The following EIF4E1B variants were observed in gnomAD, a reference collection of about 807,000 sequenced individuals.
The protein encoded by EIF4E1B is eukaryotic translation initiation factor 4E type 1B.
A neutral mutation model predicts 31.3 loss-of-function variants in EIF4E1B; 22 were observed. The observed-to-expected ratio is 0.70, with a 90% CI of 0.50 to 1.00. The LOEUF (loss-of-function observed/expected upper bound fraction) is 1.00, where lower values mean the gene tolerates loss of function less well. EIF4E1B is among the 50% of genes least tolerant of loss of function. EIF4E1B has a pLI of 0.00. For synonymous variants in EIF4E1B, 126 were observed against 120.2 expected (o/e 1.05, Z -0.31); for missense variants, 290 against 311.6 (o/e 0.93, Z 0.52).
rs114578940 is a variant in EIF4E1B at position 176,645,802 on chromosome 5, T to A, written c.615-64T>A. 131 of 1,404,114 alleles carry A rather than the reference T, an allele frequency of 9.3e-5. No individual in the cohort carries two copies. The African/African-American group carries it at 1.5e-3, about 16-fold the overall frequency. The allele number at this position is 1,404,114 out of a possible 1,614,324, so 87.0% of individuals were successfully genotyped here. On this transcript the variant is annotated intron_variant, in intron 8 of 8. Coordinates refer to ENST00000318682, the MANE Select transcript of EIF4E1B (RefSeq NM_001099408.2). This position sits in a 1 kb window ranked among gnomAD's most constrained non-coding sequence, Gnocchi z 5.4. ...GAGGGTAGGAGTCTGGTGGCCTAAG[T>A]TATCTCTAGGACCCTCTGATGACTA...
chr5:176,642,828 C>CT, intron 3 of EIF4E1B, 26 bp downstream of exon 3: 1 of 1,541,234 alleles, frequency 6.5e-7, no homozygotes, highest in Non-Finnish European at 8.7e-7. Context: ...TCTCTACCCC[C>CT]AGTGCACCAT....
intron 1 of EIF4E1B, among the ~76,000 whole-genome samples, chr5:176,635,977 C>T (rs1169148045): frequency 3.9e-5 from 6 of 152,070 alleles, no homozygotes; most frequent in East Asian, 3.9e-4. Context: ...CCACCATGCC[C>T]GGATAATTTT....
In EIF4E1B at chr5:176,646,018, C is replaced by A. The variant is rs573376055; in HGVS notation, c.*38C>A. On this transcript the variant is annotated 3_prime_UTR_variant, in exon 9 of 9. Transcript: ENST00000318682. Reference sequence around the variant, plus strand: ...CACCCCTCCTATGTAATGGGACAGCCGCCACTGAGCCTCATTACTTTGGGG... The same window carrying A: ...CACCCCTCCTATGTAATGGGACAGCAGCCACTGAGCCTCATTACTTTGGGG... 3 of 1,525,598 alleles carry A rather than the reference C, an allele frequency of 2.0e-6. No individual in the cohort carries two copies. Among genetic ancestry groups the A allele is most frequent in the South Asian group, 1.2e-5 (1 of 84,486 alleles). 94.5% of individuals were successfully genotyped at this position (1,525,598 alleles called of 1,614,324 possible). A position where few individuals can be genotyped will look rare whatever the true frequency, so the allele number is the denominator to read the frequency against.
At chr5:176,644,683 C>T (rs929456232) in intron 6 of EIF4E1B, 6 of 533,046 alleles carry the variant, frequency 1.1e-5, no homozygotes, top group East Asian at 3.2e-5. Context: ...TCTGACCTGG[C>T]TCCTTAACTA....
chr5:176,632,989 A>C (rs1760431110), intron 1 of EIF4E1B, among the ~76,000 whole-genome samples: 1 of 152,124 alleles, frequency 6.6e-6, no homozygotes, highest in Non-Finnish European at 1.5e-5. Context: ...GGTGTGGAAA[A>C]GTGGTGGTGG....
At chr5:176,639,806 A>T (rs1190544919) in intron 1 of EIF4E1B, among the ~76,000 whole-genome samples, 1 of 151,934 alleles carries the variant, frequency 6.6e-6, no homozygotes, top group Non-Finnish European at 1.5e-5. Context: ...GTGCACCTGT[A>T]GTCCCAGTTT....
Position 176,639,554 on chromosome 5 carries a change from C to T in EIF4E1B, c.-201-2489C>T, listed in dbSNP as rs151191807. ...GGGTCCTTCCGAGCTGGGCTCTGGG[C>T]CACAGCTGTAAGGTAGCTAAGACCA... On this transcript the variant is annotated intron_variant, in intron 1 of 8. Transcript: ENST00000318682. Among the ~76,000 whole-genome samples the T allele has an allele frequency of 2.6e-3, 403 of 152,222 alleles. 1 individual carries two copies. Among genetic ancestry groups the T allele is most frequent in the Non-Finnish European group, 4.7e-3 (320 of 68,018 alleles).
intron 1 of EIF4E1B, among the ~76,000 whole-genome samples, chr5:176,637,854 G>A (rs1359675754): frequency 2.0e-5 from 3 of 152,128 alleles, no homozygotes; most frequent in Admixed American, 6.5e-5. Flanking sequence ...GACTATTCTT[G>A]GGCAAGGGTG....
chr5:176,643,950 C>T (rs1309744446), intron 5 of EIF4E1B: 2 of 598,442 alleles, frequency 3.3e-6, no homozygotes, highest in African/African-American at 1.9e-5. Context: ...AAGCAGGAAG[C>T]TGACCTTGAC....
intron 3 of EIF4E1B, 38 bp from the exon 4 acceptor site, chr5:176,643,044 G>C: frequency 6.4e-7 from 1 of 1,572,616 alleles, no homozygotes. Flanking sequence ...GCCAGGGCCA[G>C]AGCTCACAAC....
Position 176,638,844 on chromosome 5 carries a change from G to A in EIF4E1B, c.-201-3199G>A, listed in dbSNP as rs1300841480. 1.3e-5 allele frequency among the ~76,000 whole-genome samples: 2 copies of A among 152,096 alleles called. No individual in the cohort carries two copies. The highest frequency in any genetic ancestry group is 2.4e-5 in the African/African-American group (1 of 41,404). ...GGCTGGAGTGCAATGGTGCGATCTC[G>A]GCTCACTGCAACCTCTACCTCCCCA... is the stretch of plus-strand genomic sequence containing the variant. On this transcript the variant is annotated intron_variant, in intron 1 of 8. Transcript: ENST00000318682. The surrounding 1 kb of genome is among the most constrained non-coding windows in gnomAD (Gnocchi z 4.3).
At chr5:176,633,876 T>C (rs1035689922) in intron 1 of EIF4E1B, among the ~76,000 whole-genome samples, 2 of 151,760 alleles carry the variant, frequency 1.3e-5, no homozygotes, top group Non-Finnish European at 2.9e-5. Flanking sequence ...CAAACGGAGA[T>C]GGGTTGGAGG....
chr5:176,645,655 AG>A lies in EIF4E1B; in HGVS notation c.614+141del, dbSNP rs763973624. 376 of 1,287,030 alleles carry A rather than the reference AG, an allele frequency of 2.9e-4. No individual in the cohort carries two copies. The highest frequency in any genetic ancestry group is 3.7e-4 in the Non-Finnish European group (355 of 962,556). The allele number at this position is 1,287,030 out of a possible 1,614,324, so 79.7% of individuals were successfully genotyped here. Reference sequence around the variant, plus strand: ...CTTCTGCCTTGCCCACCTGTATGGAAGGTCTGGCGTTCAGATTTCTAACTTT... The same window carrying A: ...CTTCTGCCTTGCCCACCTGTATGGAAGTCTGGCGTTCAGATTTCTAACTTT... On this transcript the variant is annotated intron_variant, in intron 8 of 8. Transcript: ENST00000318682. This position sits in a 1 kb window ranked among gnomAD's most constrained non-coding sequence, Gnocchi z 5.4.
At chr5:176,642,849 T>TCCCCCC (rs745905318) in intron 3 of EIF4E1B, 47 bp downstream of exon 3, 3 of 1,181,914 alleles carry the variant, frequency 2.5e-6, no homozygotes, top group Non-Finnish European at 3.2e-6. Context: ...GGCCCCGCCC[T>TCCCCCC]CTCCCCCCCC....
chr5:176,645,005 A>T lies in EIF4E1B; in HGVS notation c.361-125A>T. ...GGTGGAACCTGCTTGCACTGAGGGA[A>T]GGGAGGATAAGAGAATCTGGCCTAC... On this transcript the variant is annotated intron_variant, in intron 6 of 8. Coordinates refer to ENST00000318682, the MANE Select transcript of EIF4E1B (RefSeq NM_001099408.2). This position sits in a 1 kb window ranked among gnomAD's most constrained non-coding sequence, Gnocchi z 5.4. The T allele has an allele frequency of 1.3e-6, 1 of 791,140 alleles. No homozygotes were observed. Among genetic ancestry groups the T allele is most frequent in the Non-Finnish European group, 2.0e-6 (1 of 491,368 alleles). The allele number at this position is 791,140 out of a possible 1,614,324, so 49.0% of individuals were successfully genotyped here. A position where few individuals can be genotyped will look rare whatever the true frequency, so the allele number is the denominator to read the frequency against.
intron 3 of EIF4E1B, 47 bp downstream of exon 3, chr5:176,642,849 TCTCCC>T: frequency 8.5e-7 from 1 of 1,181,918 alleles, no homozygotes; most frequent in African/African-American, 3.5e-5. Flanking sequence ...GGCCCCGCCC[TCTCCC>T]CCCCCCCCCC....
chr5:176,641,384 C>G (rs536929635), intron 1 of EIF4E1B, among the ~76,000 whole-genome samples: 20 of 152,302 alleles, frequency 1.3e-4, no homozygotes, highest in African/African-American at 4.6e-4. Flanking sequence ...AAGCCCAGAA[C>G]TAAGGCGTCA....
At chr5:176,637,057 G>T (rs1760505269) in intron 1 of EIF4E1B, among the ~76,000 whole-genome samples, 1 of 152,176 alleles carries the variant, frequency 6.6e-6, no homozygotes, top group African/African-American at 2.4e-5. Context: ...TAAATCTATT[G>T]ACCAATCCTC....
intron 6 of EIF4E1B, chr5:176,644,664 G>C: frequency 1.8e-6 from 1 of 547,980 alleles, no homozygotes; most frequent in Non-Finnish European, 3.2e-6. Context: ...AGAGGGAGAG[G>C]GAGAGATTTC....
Sources: allele counts gnomAD v4.1 joint callset (sites outside exome capture counted in the v4.1 genomes callset), GRCh38; gene constraint gnomAD v4.1.1; non-coding constraint Gnocchi (gnomAD v3.1); transcripts MANE v1.5; gene names NCBI Gene and HGNC (gene_info 2026-07-23, HGNC 2026-07-21).